The following SYN3 variants were observed in gnomAD, a reference collection of about 807,000 sequenced individuals.
The protein encoded by SYN3 is synapsin-3.
SYN3 carries 35 observed loss-of-function variants against 65.8 expected under a neutral mutation model. The observed-to-expected ratio is 0.53, with a 90% confidence interval of 0.41 to 0.70. The LOEUF (loss-of-function observed/expected upper bound fraction) is 0.70, where lower values mean the gene tolerates loss of function less well. SYN3 is among the 30% of genes least tolerant of loss of function. SYN3 has a pLI of 0.00. For synonymous variants in SYN3, 270 were observed against 292.9 expected (o/e 0.92, Z 0.80); for missense variants, 680 against 749.0 (o/e 0.91, Z 1.08).
intron 6 of SYN3, among the ~76,000 whole-genome samples, chr22:32,701,692 C>T (rs1349570225): frequency 6.6e-6 from 1 of 152,076 alleles, no homozygotes; most frequent in Non-Finnish European, 1.5e-5. Context: ...TAGAAGACAA[C>T]TGAAGTTGAA....
At chr22:32,715,568 C>A (rs1287576634) in intron 6 of SYN3, among the ~76,000 whole-genome samples, 1 of 152,040 alleles carries the variant, frequency 6.6e-6, no homozygotes, top group Non-Finnish European at 1.5e-5. Flanking sequence ...ATCACAAGGT[C>A]AGGAATTCAA....
intron 4 of SYN3, among the ~76,000 whole-genome samples, chr22:32,891,372 G>C (rs2049441495): frequency 6.6e-6 from 1 of 152,108 alleles, no homozygotes; most frequent in African/African-American, 2.4e-5. Context: ...AGCCCTGATG[G>C]ATTTTTCTGA....
intron 6 of SYN3, among the ~76,000 whole-genome samples, chr22:32,660,724 T>C (rs1309920680): frequency 6.6e-6 from 1 of 152,250 alleles, no homozygotes; most frequent in African/African-American, 2.4e-5. Flanking sequence ...TTTTGTCCAG[T>C]TGGCGCCATG....
chr22:32,879,776 G>A (rs2049078869), intron 4 of SYN3, among the ~76,000 whole-genome samples: 2 of 152,166 alleles, frequency 1.3e-5, no homozygotes, highest in Non-Finnish European at 2.9e-5. Flanking sequence ...GGTACTCAAG[G>A]GATCCACATG....
Position 32,829,824 on chromosome 22 carries a change from G to A in SYN3, c.711+35091C>T, listed in dbSNP as rs116250357. Among the ~76,000 whole-genome samples the A allele has an allele frequency of 3.1e-3, 471 of 152,334 alleles. 5 individuals carry two copies. The highest frequency in any genetic ancestry group is 0.01 in the African/African-American group (436 of 41,584). The stretch of plus-strand genomic sequence containing the variant: ...AGCGGGCTTCACCATGCACTCTGAC[G>A]TACCACTTTTGGCCCAACCAAACTA... On this transcript the variant is annotated intron_variant, in intron 6 of 13. Transcript: ENST00000358763.
intron 6 of SYN3, among the ~76,000 whole-genome samples, chr22:32,609,645 T>TA (rs5845010): frequency 0.44 from 61,068 of 140,002 alleles, 13,965 homozygotes; most frequent in African/African-American, 0.67. Flanking sequence ...CCCAGCTAAT[T>TA]AAAAAAAAAT....
intron 1 of SYN3, among the ~76,000 whole-genome samples, chr22:33,049,006 T>C (rs1417766071): frequency 6.6e-6 from 1 of 152,172 alleles, no homozygotes; most frequent in Non-Finnish European, 1.5e-5. Context: ...GGCCAGAGTT[T>C]TGCACACTGG....
chr22:32,662,526 T>G (rs1212662754), intron 6 of SYN3, among the ~76,000 whole-genome samples: 5 of 152,218 alleles, frequency 3.3e-5, no homozygotes, highest in African/African-American at 7.2e-5. Flanking sequence ...CTTATTGACC[T>G]GGGCCTGACT....
intron 6 of SYN3, among the ~76,000 whole-genome samples, chr22:32,623,527 A>G (rs1338166036): frequency 1.3e-5 from 2 of 152,290 alleles, no homozygotes; most frequent in Non-Finnish European, 2.9e-5. Context: ...GTGCACTTCC[A>G]GCAATCAATG....
At chr22:32,766,008 G>A (rs1439378182) in intron 6 of SYN3, among the ~76,000 whole-genome samples, 1 of 152,144 alleles carries the variant, frequency 6.6e-6, no homozygotes, top group African/African-American at 2.4e-5. Flanking sequence ...GAGAGAGGCT[G>A]GTTTTCAAGG....
intron 4 of SYN3, among the ~76,000 whole-genome samples, chr22:32,911,597 C>T (rs2050053316): frequency 6.6e-6 from 1 of 152,126 alleles, no homozygotes; most frequent in African/African-American, 2.4e-5. Flanking sequence ...AAATGCAAGC[C>T]ACACAGTCAC....
chr22:32,880,404 G>A (rs990275749), intron 4 of SYN3, among the ~76,000 whole-genome samples: 1 of 152,224 alleles, frequency 6.6e-6, no homozygotes, highest in African/African-American at 2.4e-5. Context: ...TTGTCTTAGA[G>A]AAGCTCTGGC....
At chr22:32,979,604 A>G (rs5754364) in intron 3 of SYN3, among the ~76,000 whole-genome samples, 1 of 152,178 alleles carries the variant, frequency 6.6e-6, no homozygotes, top group East Asian at 1.9e-4. Context: ...TATGTTATTT[A>G]CTGTTTGCCT....
intron 7 of SYN3, among the ~76,000 whole-genome samples, chr22:32,547,507 C>T (rs1410853247): frequency 2.0e-5 from 3 of 152,068 alleles, no homozygotes; most frequent in Non-Finnish European, 4.4e-5. Context: ...GCCTCCTTCC[C>T]CTCATGGTCT....
chr22:32,579,307 G>T (rs1199820633), intron 7 of SYN3, among the ~76,000 whole-genome samples: 1 of 152,172 alleles, frequency 6.6e-6, no homozygotes, highest in Non-Finnish European at 1.5e-5. Flanking sequence ...TCTTAGACTG[G>T]ATAATTCAGA....
intron 6 of SYN3, among the ~76,000 whole-genome samples, chr22:32,737,974 C>G (rs987625849): frequency 6.6e-6 from 1 of 152,186 alleles, no homozygotes; most frequent in Non-Finnish European, 1.5e-5. Context: ...TATCAGATCT[C>G]ACATTGTGAC....
intron 9 of SYN3, among the ~76,000 whole-genome samples, chr22:32,534,223 C>G (rs1197837218): frequency 6.6e-6 from 1 of 152,086 alleles, no homozygotes; most frequent in African/African-American, 2.4e-5. Context: ...AGGTCTCCCC[C>G]GACCCCAGGA....
chr22:32,939,030 C>A (rs2050862350), intron 3 of SYN3, among the ~76,000 whole-genome samples: 1 of 151,138 alleles, frequency 6.6e-6, no homozygotes. Context: ...GCTCTTCAGA[C>A]AGAAGGACAA....
chr22:32,597,498 G>A (rs961482098), intron 6 of SYN3, among the ~76,000 whole-genome samples: 2 of 152,074 alleles, frequency 1.3e-5, no homozygotes, highest in Admixed American at 6.6e-5. Flanking sequence ...TTACAGGTGT[G>A]AGCCACCGCG....
Sources: gnomAD v4.1 joint callset for allele counts (sites outside exome capture counted in the v4.1 genomes callset) on GRCh38, gnomAD v4.1.1 for gene constraint, MANE v1.5 for transcripts, NCBI Gene and HGNC (gene_info 2026-07-23, HGNC 2026-07-21) for gene names.